Variants in MED13L observed in about 807,000 individuals in gnomAD.
MED13L encodes mediator of RNA polymerase II transcription subunit 13-like.
A neutral mutation model predicts 220.9 loss-of-function variants in MED13L; 7 were observed. The ratio of observed to expected loss-of-function variants is 0.03; its 90% CI spans 0.02 to 0.06. The LOEUF is 0.06. Ranked by LOEUF, MED13L falls within the 10% of genes least tolerant of loss-of-function variation. MED13L has a pLI of 1.00. For missense variants in MED13L, 1,965 were observed against 2,760.5 expected (o/e 0.71, Z 6.46); for synonymous variants, 1,011 against 1,015.2 (o/e 1.00, Z 0.08).
At chr12:115,993,331 C>A (rs969741928) in intron 16 of MED13L, among the ~76,000 whole-genome samples, 3 of 152,008 alleles carry the variant, frequency 2.0e-5, no homozygotes, top group African/African-American at 7.2e-5. Flanking sequence ...TTTTAATATC[C>A]TTTTATATAT....
intron 4 of MED13L, among the ~76,000 whole-genome samples, chr12:116,039,768 A>G (rs1881412038): frequency 6.6e-6 from 1 of 152,116 alleles, no homozygotes; most frequent in South Asian, 2.1e-4. Context: ...TGAAAAAAGC[A>G]TGAGTTCAAG....
At chr12:116,040,889 T>C (rs1262479470) in intron 4 of MED13L, among the ~76,000 whole-genome samples, 2 of 151,938 alleles carry the variant, frequency 1.3e-5, no homozygotes, top group Non-Finnish European at 2.9e-5. Flanking sequence ...GTATGATGCA[T>C]CAATTGACCT....
Position 116,012,905 on chromosome 12 carries a change from A to G in MED13L, c.1176-4T>C, listed in dbSNP as rs533933405. ...TGGAGTTGACATTTGGCTCCTCCTA[A>G]AAGGGTTAAAAATGTGACTTATGTG... is the stretch of plus-strand genomic sequence containing the variant. On this transcript the variant is annotated splice_polypyrimidine_tract_variant and splice_region_variant and intron_variant, in intron 8 of 30. Transcript: ENST00000281928. 1.2e-6 allele frequency: 2 copies of G among 1,602,844 alleles called. No individual in the cohort carries two copies. Among genetic ancestry groups the G allele is most frequent in the South Asian group, 1.1e-5 (1 of 90,872 alleles).
chr12:116,135,206 T>C (rs1307476145), intron 2 of MED13L, among the ~76,000 whole-genome samples: 1 of 152,072 alleles, frequency 6.6e-6, no homozygotes, highest in Non-Finnish European at 1.5e-5. Flanking sequence ...TGACAACACA[T>C]AATCTCTATG....
intron 5 of MED13L, among the ~76,000 whole-genome samples, chr12:116,021,464 T>C (rs922051671): frequency 1.4e-4 from 22 of 152,186 alleles, no homozygotes; most frequent in African/African-American, 5.3e-4. Flanking sequence ...ATTTGTACTG[T>C]ACAGTTTAAG....
At chr12:116,035,362 A>T (rs1273253884) in intron 4 of MED13L, among the ~76,000 whole-genome samples, 1 of 152,176 alleles carries the variant, frequency 6.6e-6, no homozygotes, top group Non-Finnish European at 1.5e-5. Context: ...CCCTCAATAT[A>T]TAATTATAAT....
chr12:116,075,992 C>G (rs1870765337), intron 4 of MED13L, among the ~76,000 whole-genome samples: 1 of 149,810 alleles, frequency 6.7e-6, no homozygotes, highest in Non-Finnish European at 1.5e-5. Context: ...CGGCTCACTG[C>G]AAGCTCCGCC....
chr12:116,129,915 AAAAAAAAGAAAG>A, intron 2 of MED13L, among the ~76,000 whole-genome samples: 2 of 151,824 alleles, frequency 1.3e-5, no homozygotes, highest in South Asian at 2.1e-4. Flanking sequence ...TCTCAAAAAA[AAAAAAAAGAAAG>A]AAAGAAAGAA....
At chr12:116,023,890 T>C (rs917247994) in intron 4 of MED13L, among the ~76,000 whole-genome samples, 14 of 152,102 alleles carry the variant, frequency 9.2e-5, no homozygotes, top group Admixed American at 2.0e-4. Context: ...TAAAATAATA[T>C]AAACAGTAAA....
intron 2 of MED13L, among the ~76,000 whole-genome samples, chr12:116,217,476 C>T (rs1883073151): frequency 6.6e-6 from 1 of 152,260 alleles, no homozygotes; most frequent in East Asian, 1.9e-4. Flanking sequence ...CATCTCCTCC[C>T]ACACCCACAA....
chr12:116,075,910 A>G (rs1870750643), intron 4 of MED13L, among the ~76,000 whole-genome samples: 2 of 134,252 alleles, frequency 1.5e-5, no homozygotes, highest in Admixed American at 7.5e-5. Flanking sequence ...GAGCCAGAAG[A>G]TTTTTTTTTT....
intron 20 of MED13L, 46 bp from the exon 21 acceptor site, chr12:115,983,586 T>C (rs1877488312): frequency 6.3e-7 from 1 of 1,599,498 alleles, no homozygotes; most frequent in Non-Finnish European, 8.6e-7. Context: ...TATTCTGCAG[T>C]GTCGGACTGA....
intron 19 of MED13L, among the ~76,000 whole-genome samples, chr12:115,985,682 A>G (rs776064041): frequency 7.9e-5 from 12 of 152,350 alleles, no homozygotes; most frequent in Non-Finnish European, 1.6e-4. Flanking sequence ...AGGAATTCAT[A>G]TACTAAAGAT....
intron 2 of MED13L, among the ~76,000 whole-genome samples, chr12:116,180,062 G>C (rs1011666981): frequency 1.3e-5 from 2 of 152,140 alleles, no homozygotes; most frequent in Admixed American, 1.3e-4. Flanking sequence ...TTTCAAAATT[G>C]TTGCAATTAA....
rs748822926 is a variant in MED13L, at chr12:115,969,115, A to G, written c.6068-18T>C. Reference sequence around the variant, plus strand: ...CATATCATCTAGAGGGAAGGGGGGAAAAAAAGCACAAAAATTAAAAAGATA... The same window carrying G: ...CATATCATCTAGAGGGAAGGGGGGAGAAAAAGCACAAAAATTAAAAAGATA... On this transcript the variant is annotated intron_variant, in intron 27 of 30. Transcript: ENST00000281928. The G allele has an allele frequency of 1.2e-6, 2 of 1,610,880 alleles. No individual in the cohort carries two copies. Among genetic ancestry groups the G allele is most frequent in the Non-Finnish European group, 8.5e-7 (1 of 1,177,710 alleles).
chr12:116,251,919 C>A (rs1354822727), intron 1 of MED13L, among the ~76,000 whole-genome samples: 1 of 150,600 alleles, frequency 6.6e-6, no homozygotes, highest in African/African-American at 2.5e-5. Context: ...AAGTTGACAC[C>A]AAGAGAAGTA....
chr12:116,117,810 AT>A (rs1054783453), intron 2 of MED13L, among the ~76,000 whole-genome samples: 3 of 152,026 alleles, frequency 2.0e-5, no homozygotes, highest in Admixed American at 2.0e-4. Flanking sequence ...ATCTTAAGGC[AT>A]TTTTTTAATT....
intron 4 of MED13L, among the ~76,000 whole-genome samples, chr12:116,052,025 C>T (rs1180950766): frequency 6.6e-6 from 1 of 151,944 alleles, no homozygotes; most frequent in East Asian, 1.9e-4. Context: ...CAGTGGTAGC[C>T]GACCAGTTTT....
At chr12:116,015,835 T>C (rs1879691757) in intron 7 of MED13L, among the ~76,000 whole-genome samples, 3 of 152,210 alleles carry the variant, frequency 2.0e-5, no homozygotes, top group African/African-American at 4.8e-5. Flanking sequence ...TGTTTGTCCT[T>C]ATGCCTGACA....
Sources: gnomAD v4.1 joint callset for allele counts (sites outside exome capture counted in the v4.1 genomes callset) on GRCh38, gnomAD v4.1.1 for gene constraint, MANE v1.5 for transcripts, NCBI Gene and HGNC (gene_info 2026-07-23, HGNC 2026-07-21) for gene names.